ASIP: variants seen among roughly 807,000 people sequenced by gnomAD.
ASIP encodes the protein agouti-signaling protein.
A neutral mutation model predicts 10.3 loss-of-function variants in ASIP; 11 were observed. The observed-to-expected ratio is 1.07, with a 90% CI of 0.68 to 1.78. The LOEUF is 1.78. Ranked by LOEUF, ASIP falls within the 40% of genes most tolerant of loss-of-function variation. The pLI, the probability that ASIP is intolerant of heterozygous loss-of-function variation, is 0.00. For synonymous variants in ASIP, 70 were observed against 70.8 expected, an observed-to-expected ratio of 0.99 and a Z score of 0.06; for missense variants, 180 against 169.2, an observed-to-expected ratio of 1.06 and a Z score of -0.35.
chr20:34,223,512 C>A (rs959226658), intron 1 of ASIP, among the ~76,000 whole-genome samples: 9 of 151,350 alleles, frequency 5.9e-5, no homozygotes, highest in South Asian at 2.1e-4. Flanking sequence ...GTCAGCCCCC[C>A]CGCCCGGCCA....
rs374260416 is a variant in ASIP, at chr20:34,216,068, C to A, written c.-11+21308C>A. On this transcript the variant is annotated intron_variant, in intron 1 of 3. Coordinates refer to the ASIP transcript ENST00000568305. Reference sequence around the variant, plus strand: ...CGCAGAGAGCTGGGACAGCGGCCCTCGTCCTTGTCGCCGTAGTCCTCTGCC... The same window carrying A: ...CGCAGAGAGCTGGGACAGCGGCCCTAGTCCTTGTCGCCGTAGTCCTCTGCC... 2.8e-4 allele frequency among the ~76,000 whole-genome samples: 43 copies of A among 152,384 alleles called. 1 individual carries two copies. Among genetic ancestry groups the A allele is most frequent in the South Asian group, 2.5e-3 (12 of 4,830 alleles).
At chr20:34,255,566 T>C (rs1198327820) in intron 1 of ASIP, among the ~76,000 whole-genome samples, 2 of 152,308 alleles carry the variant, frequency 1.3e-5, no homozygotes, top group African/African-American at 2.4e-5. Context: ...AAATAGATTA[T>C]AGATGTGATT....
At chr20:34,260,595 T>G in intron 2 of ASIP, 61 bp downstream of exon 2, 3 of 1,494,508 alleles carry the variant, frequency 2.0e-6, no homozygotes, top group Non-Finnish European at 2.7e-6. Context: ...TCAAGCATGC[T>G]TCCCAGGGTG....
At chr20:34,214,619 G>A (rs1319757605) in intron 1 of ASIP, 5 of 1,207,824 alleles carry the variant, frequency 4.1e-6, no homozygotes, top group East Asian at 4.6e-5. Flanking sequence ...CGTGAAACTT[G>A]AGCAAGCCTG....
chr20:34,196,987 CTTTTTTTT>C (rs74271768), intron 1 of ASIP, among the ~76,000 whole-genome samples: 2 of 135,530 alleles, frequency 1.5e-5, no homozygotes, highest in African/African-American at 2.7e-5. Flanking sequence ...CTTAAACATT[CTTTTTTTT>C]TTTTTTTTTA....
chr20:34,195,229 A>G (rs1368474676), intron 1 of ASIP, among the ~76,000 whole-genome samples: 1 of 151,900 alleles, frequency 6.6e-6, no homozygotes, highest in African/African-American at 2.4e-5. Context: ...GCTGCTCCTC[A>G]TGGAAGGAGC....
chr20:34,212,409 T>G (rs1333030496), intron 1 of ASIP, among the ~76,000 whole-genome samples: 1 of 152,212 alleles, frequency 6.6e-6, no homozygotes, highest in East Asian at 1.9e-4. Flanking sequence ...AGAGTAAATT[T>G]CATACATATA....
chr20:34,244,391 C>T (rs1465898847), intron 1 of ASIP, among the ~76,000 whole-genome samples: 1 of 152,070 alleles, frequency 6.6e-6, no homozygotes. Context: ...AATTTATAGC[C>T]AGAATAAGAA....
chr20:34,245,077 T>G (rs2035347160), intron 1 of ASIP, among the ~76,000 whole-genome samples: 1 of 152,080 alleles, frequency 6.6e-6, no homozygotes, highest in South Asian at 2.1e-4. Context: ...GGCTCATGCC[T>G]GTAATCCCAG....
chr20:34,225,432 A>T (rs1392926349), intron 1 of ASIP, among the ~76,000 whole-genome samples: 1 of 151,432 alleles, frequency 6.6e-6, no homozygotes, highest in East Asian at 2.0e-4. Flanking sequence ...CTAGTACCAT[A>T]CATTAAAATT....
chr20:34,195,989 A>G (rs1380362909), intron 1 of ASIP, among the ~76,000 whole-genome samples: 1 of 152,054 alleles, frequency 6.6e-6, no homozygotes, highest in Non-Finnish European at 1.5e-5. Context: ...CAAAGTTAAA[A>G]TAACATAAAA....
intron 3 of ASIP, 95 bp from the exon 4 acceptor site, chr20:34,268,896 C>A: frequency 6.8e-7 from 1 of 1,470,586 alleles, no homozygotes; most frequent in South Asian, 1.2e-5. Flanking sequence ...AACCTCTGGT[C>A]CGGGATCTCC....
Position 34,262,726 on chromosome 20 carries a change from T to A in ASIP, c.161-106T>A, listed in dbSNP as rs139362500. ...GACTCATCCAGCACGCTTCTTCTCCTCTCCCTGACCTTGTGACTTCCCAAG... is the reference window on the plus strand; with the variant it reads ...GACTCATCCAGCACGCTTCTTCTCCACTCCCTGACCTTGTGACTTCCCAAG... On this transcript the variant is annotated intron_variant, in intron 2 of 3. Transcript: ENST00000374954. The A allele has an allele frequency of 2.4e-6, 3 of 1,264,930 alleles. No individual in the cohort carries two copies. In the East Asian group the frequency reaches 7.0e-5, roughly 30 times the overall value. 78.4% of individuals were successfully genotyped at this position (1,264,930 alleles called of 1,614,324 possible).
At chr20:34,210,154 G>A (rs940215082) in intron 1 of ASIP, among the ~76,000 whole-genome samples, 22 of 152,188 alleles carry the variant, frequency 1.4e-4, no homozygotes, top group Admixed American at 1.3e-3. Flanking sequence ...ACAAGAACTC[G>A]GGACCTACCA....
chr20:34,215,479 C>T lies in ASIP; in HGVS notation c.-11+20719C>T, dbSNP rs144878891. ...GAGGATTCGCAGGTACAGATCTACT[C>T]CCCTTGGATTTAGGTCCACTACTGA... On this transcript the variant is annotated intron_variant, in intron 1 of 3. Coordinates refer to the ASIP transcript ENST00000568305. The T allele has an allele frequency of 1.0e-4, 158 of 1,527,596 alleles. No individual in the cohort carries two copies. The African/African-American group carries it at 1.9e-3, about 19-fold the overall frequency. The allele number at this position is 1,527,596 out of a possible 1,614,324, so 94.6% of individuals were successfully genotyped here. A position where few individuals can be genotyped will look rare whatever the true frequency, so the allele number is the denominator to read the frequency against.
At chr20:34,216,185 GGCAAGCAA>G (rs1008974058) in intron 1 of ASIP, among the ~76,000 whole-genome samples, 1 of 152,256 alleles carries the variant, frequency 6.6e-6, no homozygotes, top group Non-Finnish European at 1.5e-5. Context: ...TTGAGTGGCA[GGCAAGCAA>G]GCAAGCAAGC....
intron 1 of ASIP, among the ~76,000 whole-genome samples, chr20:34,202,964 A>C (rs1408530648): frequency 6.6e-6 from 1 of 151,616 alleles, no homozygotes; most frequent in African/African-American, 2.4e-5. Context: ...GCCCGCCACT[A>C]CGCCCGGCTA....
intron 1 of ASIP, chr20:34,214,119 C>G: frequency 1.8e-6 from 2 of 1,126,900 alleles, no homozygotes; most frequent in South Asian, 1.2e-5. Flanking sequence ...GGACTGGTGG[C>G]CATTCTCAGG....
At chr20:34,245,910 C>T (rs1452377523) in intron 1 of ASIP, 1 of 1,462,498 alleles carries the variant, frequency 6.8e-7, no homozygotes, top group Non-Finnish European at 9.2e-7. Flanking sequence ...TTGGCCATAT[C>T]AACTCTCAGT....
Sources: gnomAD v4.1 joint callset for allele counts (sites outside exome capture counted in the v4.1 genomes callset) on GRCh38, gnomAD v4.1.1 for gene constraint, MANE v1.5 for transcripts, NCBI Gene and HGNC (gene_info 2026-07-23, HGNC 2026-07-21) for gene names.